Variants in IGF1 observed in about 807,000 individuals in gnomAD.
IGF1 encodes the protein insulin like growth factor 1, also known as insulin-like growth factor 1.
A neutral mutation model predicts 13.8 loss-of-function variants in IGF1; 4 were observed. That is an observed-to-expected ratio of 0.29 (90% CI 0.14 to 0.66). The LOEUF is 0.66. Among genes scored for constraint, IGF1 ranks in the 30% least tolerant of loss-of-function variants. The pLI is 0.78. For synonymous variants in IGF1, 76 were observed against 72.6 expected, an observed-to-expected ratio of 1.05 and a Z score of -0.23; for missense variants, 124 against 188.5, an observed-to-expected ratio of 0.66 and a Z score of 2.00.
intron 3 of IGF1, chr12:102,418,025 T>A (rs372780104): frequency 6.2e-6 from 10 of 1,602,164 alleles, no homozygotes; most frequent in African/African-American, 1.4e-5. Context: ...ACAAAAATAA[T>A]TGCATTGAGA....
chr12:102,418,754 A>AT (rs1346689539), intron 3 of IGF1, among the ~76,000 whole-genome samples: 2 of 152,216 alleles, frequency 1.3e-5, no homozygotes. Context: ...AAGTGACTAA[A>AT]TGTGCATCAG....
At chr12:102,402,817 A>G (rs1565958659) in intron 3 of IGF1, among the ~76,000 whole-genome samples, 1 of 152,182 alleles carries the variant, frequency 6.6e-6, no homozygotes, top group Non-Finnish European at 1.5e-5. Context: ...TAATCACACA[A>G]AGATGAGATT....
chr12:102,420,154 A>G (rs1875574350), intron 2 of IGF1, among the ~76,000 whole-genome samples: 1 of 152,224 alleles, frequency 6.6e-6, no homozygotes, highest in Non-Finnish European at 1.5e-5. Context: ...AACATCAAAG[A>G]GTTTTTAAGT....
chr12:102,409,606 A>G (rs543143169), intron 3 of IGF1, among the ~76,000 whole-genome samples: 31 of 152,232 alleles, frequency 2.0e-4, no homozygotes, highest in African/African-American at 7.2e-4. Flanking sequence ...TATATGGTAA[A>G]TATCAACTAA....
intron 2 of IGF1, among the ~76,000 whole-genome samples, chr12:102,444,024 A>G (rs1311304189): frequency 1.3e-5 from 2 of 151,812 alleles, no homozygotes; most frequent in Non-Finnish European, 2.9e-5. Context: ...ATGGGGTTTC[A>G]CCATGTTGGC....
At chr12:102,479,634 C>G (rs1881284381) in intron 1 of IGF1, among the ~76,000 whole-genome samples, 1 of 152,154 alleles carries the variant, frequency 6.6e-6, no homozygotes, top group Non-Finnish European at 1.5e-5. Context: ...GCAAGCAGCT[C>G]TTAGAAAGTT....
At chr12:102,417,777 T>G in intron 3 of IGF1, 1 of 1,611,884 alleles carries the variant, frequency 6.2e-7, no homozygotes, top group South Asian at 1.1e-5. Flanking sequence ...TCTGCTCCTC[T>G]CTCATCATCC....
intron 2 of IGF1, among the ~76,000 whole-genome samples, chr12:102,470,926 G>A (rs1462599058): frequency 2.0e-5 from 3 of 152,212 alleles, no homozygotes; most frequent in Non-Finnish European, 2.9e-5. Flanking sequence ...TGACCTCACA[G>A]TCAGGAGAGT....
At chr12:102,443,795 G>C (rs1223571723) in intron 2 of IGF1, among the ~76,000 whole-genome samples, 1 of 151,980 alleles carries the variant, frequency 6.6e-6, no homozygotes. Context: ...AGGCAACCTT[G>C]AGGTGCCTGT....
chr12:102,441,908 T>TGCTGCTGCC (rs1555244024), intron 2 of IGF1, among the ~76,000 whole-genome samples: 35 of 109,452 alleles, frequency 3.2e-4, no homozygotes, highest in Admixed American at 5.6e-4. Flanking sequence ...ATTACACTGC[T>TGCTGCTGCC]TCTTCTCCTT....
chr12:102,417,972 T>G (rs770824241), intron 3 of IGF1: 3 of 1,613,172 alleles, frequency 1.9e-6, no homozygotes, highest in Non-Finnish European at 1.7e-6. Context: ...TCTCTGAGAC[T>G]TCGTGTTCTT....
intron 3 of IGF1, among the ~76,000 whole-genome samples, chr12:102,409,817 C>T (rs180830799): frequency 1.8e-3 from 281 of 152,286 alleles, no homozygotes; most frequent in African/African-American, 6.6e-3. Flanking sequence ...TGAGGTGATT[C>T]CCTATAGCTC....
At chr12:102,434,455 C>A (rs1877034319) in intron 2 of IGF1, among the ~76,000 whole-genome samples, 1 of 150,726 alleles carries the variant, frequency 6.6e-6, no homozygotes, top group Non-Finnish European at 1.5e-5. Context: ...CAATTTCATC[C>A]ATGTCCCTAC....
chr12:102,410,941 T>C (rs1038107446), intron 3 of IGF1, among the ~76,000 whole-genome samples: 5 of 152,188 alleles, frequency 3.3e-5, no homozygotes, highest in African/African-American at 1.2e-4. Flanking sequence ...AAAGTAAACA[T>C]GCAGAATGCC....
chr12:102,473,509 A>G (rs1233236556), intron 2 of IGF1, among the ~76,000 whole-genome samples: 1 of 152,242 alleles, frequency 6.6e-6, no homozygotes, highest in Non-Finnish European at 1.5e-5. Context: ...TATGTTGGAC[A>G]CTTCTGTGCA....
chr12:102,466,591 G>A (rs375102444), intron 2 of IGF1, among the ~76,000 whole-genome samples: 1 of 152,228 alleles, frequency 6.6e-6, no homozygotes. Context: ...TGACTGAGGA[G>A]TATGAGAATA....
At chr12:102,406,188 C>T (rs539439856) in intron 3 of IGF1, among the ~76,000 whole-genome samples, 93 of 152,332 alleles carry the variant, frequency 6.1e-4, no homozygotes, top group Middle Eastern at 6.8e-3. Flanking sequence ...TTCTTTGTTG[C>T]AGACAATGAC....
In IGF1 at chr12:102,475,557, G is replaced by A. The variant is rs1488060866; in HGVS notation, c.220+86C>T. On this transcript the variant is annotated intron_variant, in intron 2 of 3. Transcript: ENST00000337514. ...GCTGCCAGATACGGGCACTCATTCA[G>A]TTATTCACACACTCCCTGCGGTTGT... The A allele has an allele frequency of 3.4e-6, 5 of 1,476,754 alleles. No individual in the cohort carries two copies. In the East Asian group the frequency reaches 9.1e-5, roughly 27 times the overall value. 91.5% of individuals were successfully genotyped at this position (1,476,754 alleles called of 1,614,324 possible). A position where few individuals can be genotyped will look rare whatever the true frequency, so the allele number is the denominator to read the frequency against.
Position 102,441,906 on chromosome 12 carries a change from G to GCTGCTGCTGCTGCTTCTT in IGF1, c.221-22217_221-22216insAAGAAGCAGCAGCAGCAG. The stretch of plus-strand genomic sequence containing the variant: ...GAGCACTAAGTCATTCTATTACACT[G>GCTGCTGCTGCTGCTTCTT]CTTCTTCTCCTTCTTCTTCTTCTTC... On this transcript the variant is annotated intron_variant, in intron 2 of 3. Coordinates refer to ENST00000337514, the MANE Select transcript of IGF1 (RefSeq NM_000618.5). 2.8e-3 allele frequency among the ~76,000 whole-genome samples: 279 copies of GCTGCTGCTGCTGCTTCTT among 100,318 alleles called. 11 individuals are homozygous for GCTGCTGCTGCTGCTTCTT. Among genetic ancestry groups the GCTGCTGCTGCTGCTTCTT allele is most frequent in the Middle Eastern group, 4.4e-3 (1 of 226 alleles). 65.8% of individuals were successfully genotyped at this position (100,318 alleles called of 152,430 possible). A position where few individuals can be genotyped will look rare whatever the true frequency, so the allele number is the denominator to read the frequency against.
Sources: allele counts gnomAD v4.1 joint callset (sites outside exome capture counted in the v4.1 genomes callset), GRCh38; gene constraint gnomAD v4.1.1; transcripts MANE v1.5; gene names NCBI Gene and HGNC (gene_info 2026-07-23, HGNC 2026-07-21).